FOXN2: variants seen among roughly 807,000 people sequenced by gnomAD.
FOXN2 encodes forkhead box protein N2.
In FOXN2, 19 loss-of-function variants were observed where a neutral mutation model predicts 41.2. The observed-to-expected ratio is 0.46, with a 90% confidence interval of 0.32 to 0.68. FOXN2 has a LOEUF of 0.68. Among genes scored for constraint, FOXN2 ranks in the 30% least tolerant of loss-of-function variants. The pLI is 0.03. For synonymous variants in FOXN2, 195 were observed against 176.8 expected (o/e 1.10, Z -0.82); for missense variants, 587 against 509.4 (o/e 1.15, Z -1.47).
chr2:48,366,752 AC>A (rs1325666511), intron 5 of FOXN2, among the ~76,000 whole-genome samples: 2 of 151,942 alleles, frequency 1.3e-5, no homozygotes, highest in African/African-American at 4.8e-5. Context: ...AGATTAAGTA[AC>A]TTCTCAAGGT....
chr2:48,342,180 A>AT (rs1670821016), intron 2 of FOXN2, among the ~76,000 whole-genome samples: 1 of 152,058 alleles, frequency 6.6e-6, no homozygotes, highest in Admixed American at 6.6e-5. Flanking sequence ...TTTTGTATGT[A>AT]TTTTTTACTT....
chr2:48,358,179 T>G (rs1336659633), intron 3 of FOXN2, among the ~76,000 whole-genome samples: 3 of 149,116 alleles, frequency 2.0e-5, no homozygotes, highest in Non-Finnish European at 4.5e-5. Flanking sequence ...CTTATTGTCG[T>G]TTTTTTTTCA....
intron 2 of FOXN2, among the ~76,000 whole-genome samples, chr2:48,345,399 A>T (rs932220489): frequency 6.6e-6 from 1 of 152,108 alleles, no homozygotes; most frequent in Admixed American, 6.6e-5. Flanking sequence ...TTCTGGTTAC[A>T]CAAGAGGAGT....
intron 1 of FOXN2, among the ~76,000 whole-genome samples, chr2:48,327,286 C>G (rs116365359): frequency 2.8e-4 from 42 of 152,196 alleles, no homozygotes; most frequent in Non-Finnish European, 5.0e-4. Context: ...GAACTAACAT[C>G]CACTCACTTG....
intron 2 of FOXN2, among the ~76,000 whole-genome samples, chr2:48,331,410 C>T (rs1474868294): frequency 2.0e-5 from 3 of 152,092 alleles, no homozygotes; most frequent in Admixed American, 6.5e-5. Flanking sequence ...AATAATAAAA[C>T]TTTAAAAGCA....
intron 1 of FOXN2, among the ~76,000 whole-genome samples, chr2:48,319,773 G>A (rs1558607726): frequency 6.8e-6 from 1 of 147,796 alleles, no homozygotes; most frequent in Admixed American, 6.8e-5. Flanking sequence ...ACCACCCCTG[G>A]CTAATTTTTT....
intron 1 of FOXN2, among the ~76,000 whole-genome samples, chr2:48,328,238 C>G (rs1459720447): frequency 6.6e-6 from 1 of 152,138 alleles, no homozygotes; most frequent in Non-Finnish European, 1.5e-5. Flanking sequence ...TTGTTCCTTT[C>G]AGTGTTGTTT....
chr2:48,372,116 G>A (rs757937955), intron 5 of FOXN2, among the ~76,000 whole-genome samples: 1 of 152,128 alleles, frequency 6.6e-6, no homozygotes, highest in Non-Finnish European at 1.5e-5. Flanking sequence ...TCAGTTCTTA[G>A]GGGAAACGCT....
chr2:48,317,722 C>G (rs1049506441), intron 1 of FOXN2, among the ~76,000 whole-genome samples: 1 of 139,114 alleles, frequency 7.2e-6, no homozygotes, highest in African/African-American at 2.6e-5. Context: ...ATTCTCCTGT[C>G]TCAGCCTCTG....
intron 3 of FOXN2, among the ~76,000 whole-genome samples, chr2:48,346,971 G>A (rs1417939326): frequency 6.6e-6 from 1 of 152,090 alleles, no homozygotes. Context: ...TAGGTACCTA[G>A]ATTAGTCTTT....
chr2:48,321,611 T>C (rs532870265), intron 1 of FOXN2, among the ~76,000 whole-genome samples: 1 of 151,968 alleles, frequency 6.6e-6, no homozygotes, highest in Non-Finnish European at 1.5e-5. Flanking sequence ...ACATTTTATG[T>C]GGTAAGGGTA....
At chr2:48,354,898 TA>T (rs1262263002) in intron 3 of FOXN2, among the ~76,000 whole-genome samples, 1 of 152,220 alleles carries the variant, frequency 6.6e-6, no homozygotes, top group Non-Finnish European at 1.5e-5. Context: ...AATGCTTTTT[TA>T]TCTATTAGAA....
chr2:48,314,165 A>T (rs923390550), upstream of FOXN2, among the ~76,000 whole-genome samples: 6 of 152,172 alleles, frequency 3.9e-5, no homozygotes, highest in Admixed American at 6.5e-5. Flanking sequence ...TCTTGCGGAA[A>T]CCCACATAAC....
At position 48,349,210 on chromosome 2, in the gene FOXN2, G is replaced by C. The variant is rs138284600; in HGVS notation, c.537+2459G>C. On this transcript the variant is annotated intron_variant, in intron 3 of 6. Transcript: ENST00000340553. ...AAACATTGGATTCAACTTTGGCTGAGTGCAGTGGCTCACACCTGTAATCCC... is the reference window on the plus strand; with the variant it reads ...AAACATTGGATTCAACTTTGGCTGACTGCAGTGGCTCACACCTGTAATCCC... Among the ~76,000 whole-genome samples, 594 of 152,330 alleles carry C rather than the reference G, an allele frequency of 3.9e-3. 5 individuals carry two copies. Among genetic ancestry groups the C allele is most frequent in the African/African-American group, 0.013 (560 of 41,562 alleles).
At position 48,361,416 on chromosome 2, in the gene FOXN2, G is replaced by A. The variant is rs563729493; in HGVS notation, c.639-1227G>A. On this transcript the variant is annotated intron_variant, in intron 4 of 6. Transcript: ENST00000340553. ...CAGGAGGCAGAGGTTGCAGTGAGCC[G>A]AGATTGCGCCACTGCTCTCCAGCCT... Among the ~76,000 whole-genome samples, 108 of 150,570 alleles carry A rather than the reference G, an allele frequency of 7.2e-4. 1 individual carries two copies. The highest frequency in any genetic ancestry group is 2.5e-3 in the African/African-American group (102 of 40,976).
intron 1 of FOXN2, among the ~76,000 whole-genome samples, chr2:48,327,160 G>A (rs1038036218): frequency 2.0e-5 from 3 of 151,678 alleles, no homozygotes; most frequent in Admixed American, 1.3e-4. Context: ...TCTCACAAAT[G>A]TCTCAAATTC....
chr2:48,348,104 A>G (rs1671231252), intron 3 of FOXN2, among the ~76,000 whole-genome samples: 1 of 151,928 alleles, frequency 6.6e-6, no homozygotes, highest in African/African-American at 2.4e-5. Flanking sequence ...ATTGCCTTTC[A>G]TTAAATTTAG....
At chr2:48,334,609 A>C (rs560767296) in intron 2 of FOXN2, among the ~76,000 whole-genome samples, 5 of 152,182 alleles carry the variant, frequency 3.3e-5, no homozygotes, top group Non-Finnish European at 7.3e-5. Context: ...CTCTGGCGCA[A>C]AGGGGAGAGT....
chr2:48,356,554 T>G (rs1268068799), intron 3 of FOXN2, among the ~76,000 whole-genome samples: 2 of 152,028 alleles, frequency 1.3e-5, no homozygotes, highest in Non-Finnish European at 1.5e-5. Flanking sequence ...TTAAATTTTT[T>G]CCTAGTGTGG....
Sources: gnomAD v4.1 joint callset for allele counts (sites outside exome capture counted in the v4.1 genomes callset) on GRCh38, gnomAD v4.1.1 for gene constraint, MANE v1.5 for transcripts, NCBI Gene and HGNC (gene_info 2026-07-23, HGNC 2026-07-21) for gene names.